ABCB9: variants seen among roughly 807,000 people sequenced by gnomAD.
ABCB9 encodes ATP binding cassette subfamily B member 9, also known as ABC-type oligopeptide transporter ABCB9.
ABCB9 carries 36 observed loss-of-function variants against 62.0 expected under a neutral mutation model. The observed-to-expected ratio is 0.58, with a 90% CI of 0.45 to 0.77. The LOEUF (loss-of-function observed/expected upper bound fraction) is 0.77. ABCB9 is among the 30% of genes least tolerant of loss of function. The probability of loss-of-function intolerance (pLI) is 0.00; values close to 1 mark genes in which losing one functional copy is unlikely to be tolerated. For synonymous variants in ABCB9, 435 were observed against 461.4 expected (o/e 0.94, Z 0.73); for missense variants, 943 against 1,054.7 (o/e 0.89, Z 1.47).
intron 4 of ABCB9, 128 bp from the exon 5 acceptor site, chr12:122,948,957 G>C: frequency 7.0e-6 from 5 of 714,058 alleles, no homozygotes; most frequent in Non-Finnish European, 1.1e-5. Flanking sequence ...CGGGGTTGGG[G>C]GGTGGGGGAG....
chr12:122,960,922 G>A (rs1443734951), intron 1 of ABCB9, among the ~76,000 whole-genome samples: 1 of 152,050 alleles, frequency 6.6e-6, no homozygotes, highest in African/African-American at 2.4e-5. Context: ...TTAACTGAGT[G>A]TGGTAGCATG....
At chr12:122,967,715 C>T (rs539843023), upstream of ABCB9, among the ~76,000 whole-genome samples, 272 of 152,290 alleles carry the variant, frequency 1.8e-3, no homozygotes, top group Non-Finnish European at 3.3e-3. Flanking sequence ...TCTCAAACTC[C>T]TGACCTCAAG....
chr12:122,919,673 G>A (rs2034699950), downstream of ABCB9, among the ~76,000 whole-genome samples: 1 of 152,074 alleles, frequency 6.6e-6, no homozygotes, highest in Non-Finnish European at 1.5e-5. Context: ...TTATTACCCA[G>A]TAGGATGTAG....
chr12:122,923,309 A>T (rs2034796223), intron 11 of ABCB9, among the ~76,000 whole-genome samples: 1 of 151,806 alleles, frequency 6.6e-6, no homozygotes, highest in African/African-American at 2.4e-5. Context: ...TTTTTTTGAG[A>T]CGGAGTCTCG....
chr12:122,943,960 A>C (rs868036365), intron 7 of ABCB9, among the ~76,000 whole-genome samples: 29 of 146,794 alleles, frequency 2.0e-4, no homozygotes, highest in African/African-American at 6.4e-4. Flanking sequence ...ATTTATCAAG[A>C]CGGAGTCTCG....
At position 122,955,294 on chromosome 12, in the gene ABCB9, C is replaced by T. The variant is rs565603281; in HGVS notation, c.601+4341G>A. On this transcript the variant is annotated intron_variant, in intron 2 of 11. Coordinates refer to ENST00000280560, the MANE Select transcript of ABCB9 (RefSeq NM_019625.4). ...TGACTCTTGATGCAATCCTGCAAGC[C>T]GGGAAAATCTGCTCAGCAGTATTTA... is the stretch of plus-strand genomic sequence containing the variant. Among the ~76,000 whole-genome samples, 41 of 152,268 alleles carry T rather than the reference C, an allele frequency of 2.7e-4. No individual in the cohort carries two copies. The South Asian group carries it at 2.7e-3, about 10-fold the overall frequency.
At chr12:122,942,326 A>G (rs7298563) in intron 7 of ABCB9, among the ~76,000 whole-genome samples, 36,094 of 151,606 alleles carry the variant, frequency 0.24, 8,268 homozygotes, top group African/African-American at 0.6. Flanking sequence ...AGTGGCTCAC[A>G]CCTGTAATCC....
chr12:122,922,901 T>C (rs1336834509), intron 11 of ABCB9, among the ~76,000 whole-genome samples: 3 of 152,086 alleles, frequency 2.0e-5, no homozygotes, highest in African/African-American at 7.2e-5. Flanking sequence ...TTAAGCGATT[T>C]TCCCATCCCA....
Position 122,947,627 on chromosome 12 carries a change from G to A in ABCB9, c.1053+997C>T. 3.5e-6 allele frequency: 1 copy of A among 284,986 alleles called. No homozygotes were observed. Among genetic ancestry groups the A allele is most frequent in the Non-Finnish European group, 7.5e-6 (1 of 132,732 alleles). 17.7% of individuals were successfully genotyped at this position (284,986 alleles called of 1,614,324 possible). On this transcript the variant is annotated intron_variant, in intron 5 of 11. Coordinates refer to ENST00000280560, the MANE Select transcript of ABCB9 (RefSeq NM_019625.4). The surrounding 1 kb of genome is among the most constrained non-coding windows in gnomAD (Gnocchi z 6.0). ...AGCCTGTCTGTCCCTTAGGGCTCGG[G>A]GGCACCCGCCCATTCAGGAAGCAGG...
intron 7 of ABCB9, among the ~76,000 whole-genome samples, chr12:122,942,643 A>T (rs2035829171): frequency 6.6e-6 from 1 of 151,514 alleles, no homozygotes; most frequent in African/African-American, 2.4e-5. Context: ...AAAAAACCTA[A>T]AAAGAAAAAC....
At chr12:122,970,091 T>G (rs1360666449), upstream of ABCB9, among the ~76,000 whole-genome samples, 1 of 152,214 alleles carries the variant, frequency 6.6e-6, no homozygotes, top group African/African-American at 2.4e-5. Flanking sequence ...TTATCATTAT[T>G]ACTTTCGAGA....
chr12:122,924,527 G>A (rs1449075648), downstream of ABCB9: 2 of 1,116,506 alleles, frequency 1.8e-6, no homozygotes, highest in African/African-American at 3.2e-5. Context: ...TCTATGCTCA[G>A]CTCAAACATT....
downstream of ABCB9, chr12:122,924,915 AT>A: frequency 8.2e-7 from 1 of 1,212,456 alleles, no homozygotes; most frequent in Non-Finnish European, 1.2e-6. Context: ...GATGGTGACA[AT>A]TTTATATTGT....
chr12:122,970,650 T>C (rs1249785186), upstream of ABCB9, among the ~76,000 whole-genome samples: 1 of 152,222 alleles, frequency 6.6e-6, no homozygotes, highest in Non-Finnish European at 1.5e-5. Flanking sequence ...GCATTATATG[T>C]ATTGAAACAT....
intron 2 of ABCB9, chr12:122,952,067 G>C (rs1354001393): frequency 1.3e-5 from 2 of 152,830 alleles, no homozygotes; most frequent in East Asian, 1.9e-4. Context: ...TTCCCCTCCA[G>C]AGGACACAGC....
intron 1 of ABCB9, among the ~76,000 whole-genome samples, chr12:122,965,157 A>T (rs767568852): frequency 5.9e-5 from 9 of 151,890 alleles, no homozygotes; most frequent in Non-Finnish European, 1.0e-4. Context: ...AGCTGGGGAG[A>T]CAGAAGAGGT....
intron 7 of ABCB9, 75 bp from the exon 8 acceptor site, chr12:122,941,070 G>T: frequency 1.4e-6 from 2 of 1,454,574 alleles, no homozygotes; most frequent in Non-Finnish European, 9.2e-7. Flanking sequence ...CTAGAGAGGA[G>T]GCAGGTATAG....
At position 122,948,715 on chromosome 12, in the gene ABCB9, A is replaced by G; in HGVS notation, c.962T>C (p.Met321Thr). 6.2e-7 allele frequency: 1 copy of G among 1,614,102 alleles called. No homozygotes were observed. Among genetic ancestry groups the G allele is most frequent in the East Asian group, 2.2e-5 (1 of 44,876 alleles). The change falls in exon 5 of 12, where the codon ATG (methionine) becomes ACG (threonine). Residue 321 changes from methionine to threonine, a missense_variant. Coordinates refer to ENST00000280560, the MANE Select transcript of ABCB9 (RefSeq NM_019625.4). ...TVKVTGVVVF[M>T]FSLSWQLSLV... is the part of the protein sequence containing the mutation. Reference sequence around the variant, plus strand: ...GGAGAGCTGCCATGAGAGGCTGAACATGAAGACCACCACGCCCGTGACCTT... The same window carrying G: ...GGAGAGCTGCCATGAGAGGCTGAACGTGAAGACCACCACGCCCGTGACCTT...
rs781509294 is a variant in ABCB9, at chr12:122,947,541, G to A, written c.1053+1083C>T. 6.7e-6 allele frequency: 3 copies of A among 446,938 alleles called. No homozygotes were observed. Among genetic ancestry groups the A allele is most frequent in the South Asian group, 3.2e-5 (2 of 63,462 alleles). 27.7% of individuals were successfully genotyped at this position (446,938 alleles called of 1,614,324 possible). A position where few individuals can be genotyped will look rare whatever the true frequency, so the allele number is the denominator to read the frequency against. On this transcript the variant is annotated intron_variant, in intron 5 of 11. Transcript: ENST00000280560. The surrounding 1 kb of genome is among the most constrained non-coding windows in gnomAD (Gnocchi z 6.0). ...TCTAGAAGTACCCCACGTGGGCCTG[G>A]GTGACTGTGAGGGGGTTGCCTGTAC...
Sources: gnomAD v4.1 joint callset for allele counts (sites outside exome capture counted in the v4.1 genomes callset) on GRCh38, gnomAD v4.1.1 for gene constraint, Gnocchi (gnomAD v3.1) non-coding constraint, MANE v1.5 for transcripts, NCBI Gene and HGNC (gene_info 2026-07-23, HGNC 2026-07-21) for gene names.